Variants in ERBB4 observed in about 807,000 individuals in gnomAD.
ERBB4 encodes erb-b2 receptor tyrosine kinase 4.
In ERBB4, 42 loss-of-function variants were observed where a neutral mutation model predicts 158.0. The observed-to-expected ratio is 0.27, with a 90% CI of 0.21 to 0.34. The LOEUF is 0.34. ERBB4 is among the 10% of genes least tolerant of loss of function. The probability of loss-of-function intolerance (pLI) is 1.00; values close to 1 mark genes in which losing one functional copy is unlikely to be tolerated. For missense variants in ERBB4, 1,333 were observed against 1,624.1 expected (o/e 0.82, Z 3.08); for synonymous variants, 583 against 558.7 (o/e 1.04, Z -0.61).
At chr2:211,632,568 C>T (rs1043362439) in intron 16 of ERBB4, among the ~76,000 whole-genome samples, 7 of 151,994 alleles carry the variant, frequency 4.6e-5, no homozygotes, top group East Asian at 1.9e-4. Context: ...TATATGTAAA[C>T]GTCAATGTCA....
At chr2:211,853,127 C>T (rs2077759645) in intron 3 of ERBB4, among the ~76,000 whole-genome samples, 1 of 151,930 alleles carries the variant, frequency 6.6e-6, no homozygotes, top group African/African-American at 2.4e-5. Context: ...TTAAGTAGAA[C>T]AGTCTCTGAG....
At chr2:212,141,387 T>A (rs527995390) in intron 1 of ERBB4, among the ~76,000 whole-genome samples, 91 of 152,154 alleles carry the variant, frequency 6.0e-4, no homozygotes, top group African/African-American at 2.1e-3. Flanking sequence ...CCCTTCTCAA[T>A]TTTTATTCCA....
intron 13 of ERBB4, among the ~76,000 whole-genome samples, chr2:211,678,314 C>CA (rs1559409127): frequency 1.2e-4 from 2 of 17,212 alleles, no homozygotes; most frequent in Non-Finnish European, 2.6e-4. Context: ...AAAAAACAAA[C>CA]AAACAAAAAA....
intron 20 of ERBB4, among the ~76,000 whole-genome samples, chr2:211,466,179 C>T (rs191047043): frequency 1.2e-3 from 189 of 152,098 alleles, no homozygotes; most frequent in Admixed American, 7.5e-3. Context: ...ATATTGCAAA[C>T]GCTTTATGAA....
At position 211,725,192 on chromosome 2, in the gene ERBB4, T is replaced by A. The variant is rs552079714; in HGVS notation, c.625A>T (p.Thr209Ser). ...CATTGTTCTGCACACACCGTCCTTG[T>A]CACTGCAGAAGACAGAGATAGGACC... is the stretch of plus-strand genomic sequence containing the variant. ...GPTENHCQTLTRTVCAEQCDG... is the reference protein window; with the variant it reads ...GPTENHCQTLSRTVCAEQCDG... The change falls in exon 6 of 28, where the codon ACA becomes TCA. Residue 209 changes from threonine to serine, a missense_variant and splice_region_variant. Around this residue, in one of 5 missense-constraint regions of ERBB4, gnomAD observed 438 missense variants for 586.9 expected, o/e 0.75. Transcript: ENST00000342788. 78 of 1,611,228 alleles carry A rather than the reference T, an allele frequency of 4.8e-5. No homozygotes were observed. The South Asian group carries it at 8.4e-4, about 17-fold the overall frequency.
At chr2:211,545,744 G>A (rs1347594929) in intron 20 of ERBB4, among the ~76,000 whole-genome samples, 2 of 151,956 alleles carry the variant, frequency 1.3e-5, no homozygotes, top group Non-Finnish European at 2.9e-5. Flanking sequence ...TTCTTGCCAG[G>A]GAAAGTACAC....
At chr2:211,618,054 T>C (rs2069460042) in intron 19 of ERBB4, among the ~76,000 whole-genome samples, 1 of 152,082 alleles carries the variant, frequency 6.6e-6, no homozygotes, top group Non-Finnish European at 1.5e-5. Flanking sequence ...CAAGTTCTGA[T>C]TGACCTTAAA....
rs949256469 is a variant in ERBB4 at position 212,256,025 on chromosome 2, G to T, written c.83-131122C>A. On this transcript the variant is annotated intron_variant, in intron 1 of 27. Coordinates refer to ENST00000342788, the MANE Select transcript of ERBB4 (RefSeq NM_005235.3). ...TATTTTTTTTTTACAAATGGGGGGG[G>T]GTCTCACTCTGTTACCCAGGTTGTT... Among the ~76,000 whole-genome samples, 5 of 149,822 alleles carry T rather than the reference G, an allele frequency of 3.3e-5. No homozygotes were observed. In the Admixed American group the frequency reaches 3.3e-4, roughly 10 times the overall value.
In ERBB4 at chr2:211,383,502, G is replaced by T; in HGVS notation, c.*113C>A. 1 of 810,966 alleles carries T rather than the reference G, an allele frequency of 1.2e-6. No homozygotes were observed. The highest frequency in any genetic ancestry group is 2.5e-5 in the East Asian group (1 of 39,876). The allele number at this position is 810,966 out of a possible 1,614,324, so 50.2% of individuals were successfully genotyped here. A position where few individuals can be genotyped will look rare whatever the true frequency, so the allele number is the denominator to read the frequency against. On this transcript the variant is annotated 3_prime_UTR_variant, in exon 28 of 28. Transcript: ENST00000342788. ...TCATTGCATCTCTGTATCTTCCACT[G>T]GGAAGTGTCAAAACTACTGGCCTTG...
chr2:212,405,348 A>G (rs967788997), intron 1 of ERBB4, among the ~76,000 whole-genome samples: 3 of 152,060 alleles, frequency 2.0e-5, no homozygotes, highest in African/African-American at 7.2e-5. Context: ...GAGGCCGGTG[A>G]GGTTGCAGAG....
At chr2:212,307,565 G>A (rs1171544341) in intron 1 of ERBB4, among the ~76,000 whole-genome samples, 1 of 150,760 alleles carries the variant, frequency 6.6e-6, no homozygotes, top group Non-Finnish European at 1.5e-5. Flanking sequence ...CAGTTTTTAT[G>A]TAATACAGAC....
At chr2:211,683,633 A>G (rs1249388839) in intron 12 of ERBB4, among the ~76,000 whole-genome samples, 4 of 152,032 alleles carry the variant, frequency 2.6e-5, no homozygotes, top group Non-Finnish European at 5.9e-5. Context: ...AATTAGGGCT[A>G]CTATAAACAT....
chr2:212,044,426 GT>G (rs993881954), intron 2 of ERBB4, among the ~76,000 whole-genome samples: 6 of 152,010 alleles, frequency 3.9e-5, no homozygotes, highest in African/African-American at 9.7e-5. Flanking sequence ...GAAGTACTGA[GT>G]TTTTTTCTAG....
At chr2:211,541,989 T>C (rs1013495677) in intron 20 of ERBB4, among the ~76,000 whole-genome samples, 5 of 151,712 alleles carry the variant, frequency 3.3e-5, no homozygotes, top group Non-Finnish European at 4.4e-5. Flanking sequence ...AAATAATTAA[T>C]GGAGGTAGGG....
At chr2:212,177,451 C>G (rs957764988) in intron 1 of ERBB4, among the ~76,000 whole-genome samples, 1 of 151,834 alleles carries the variant, frequency 6.6e-6, no homozygotes, top group Non-Finnish European at 1.5e-5. Context: ...CTGAAATAAT[C>G]TGAACTTTCA....
intron 1 of ERBB4, among the ~76,000 whole-genome samples, chr2:212,481,157 C>A (rs1236920796): frequency 6.7e-6 from 1 of 148,410 alleles, no homozygotes; most frequent in African/African-American, 2.5e-5. Flanking sequence ...TAGAATATAT[C>A]TGTAAATTAC....
intron 2 of ERBB4, among the ~76,000 whole-genome samples, chr2:212,044,817 C>A (rs1575558564): frequency 6.6e-6 from 1 of 152,014 alleles, no homozygotes; most frequent in Admixed American, 6.6e-5. Context: ...CATAAATGAC[C>A]CTGATTGAAG....
intron 21 of ERBB4, among the ~76,000 whole-genome samples, chr2:211,429,548 T>C (rs886981771): frequency 6.6e-6 from 1 of 152,204 alleles, no homozygotes; most frequent in African/African-American, 2.4e-5. Flanking sequence ...GTTTCAACTA[T>C]GAAGGGCAGC....
At chr2:211,409,297 T>C (rs528397171) in intron 25 of ERBB4, among the ~76,000 whole-genome samples, 6 of 152,184 alleles carry the variant, frequency 3.9e-5, no homozygotes, top group Non-Finnish European at 8.8e-5. Context: ...CTTTGTAAAA[T>C]GGCCATAATA....
Sources: allele counts gnomAD v4.1 joint callset (sites outside exome capture counted in the v4.1 genomes callset), GRCh38; gene constraint gnomAD v4.1.1; regional missense constraint gnomAD v4.1.1; transcripts MANE v1.5; gene names NCBI Gene and HGNC (gene_info 2026-07-23, HGNC 2026-07-21).